The following CCDC93 variants were observed in gnomAD, a reference collection of about 807,000 sequenced individuals.
The protein encoded by CCDC93 is CCC complex scaffolding subunit CCDC93.
A neutral mutation model predicts 108.2 loss-of-function variants in CCDC93; 61 were observed. That is an observed-to-expected ratio of 0.56 (90% confidence interval 0.46 to 0.70). The LOEUF (loss-of-function observed/expected upper bound fraction) is 0.70. Ranked by LOEUF, CCDC93 falls within the 30% of genes least tolerant of loss-of-function variation. The pLI is 0.00. For missense variants in CCDC93, 685 were observed against 764.2 expected (o/e 0.90, Z 1.22); for synonymous variants, 276 against 260.4 (o/e 1.06, Z -0.58).
intron 1 of CCDC93, among the ~76,000 whole-genome samples, chr2:118,011,325 G>A (rs1158823160): frequency 6.6e-6 from 1 of 152,130 alleles, no homozygotes; most frequent in Non-Finnish European, 1.5e-5. Flanking sequence ...GTGGCGTGGG[G>A]GAGGTGACAG....
intron 13 of CCDC93, chr2:117,951,306 T>C: frequency 1.0e-6 from 1 of 985,408 alleles, no homozygotes; most frequent in African/African-American, 1.7e-5. Context: ...GAAGCTAATC[T>C]GTCCAAAGGC....
At chr2:117,998,217 C>T (rs1558802775) in intron 4 of CCDC93, 4 of 152,112 alleles carry the variant, frequency 2.6e-5, no homozygotes, top group South Asian at 4.1e-4. Flanking sequence ...TACAGCTTTG[C>T]TAAAATGGTG....
chr2:117,956,931 C>A (rs1679239517), intron 12 of CCDC93, among the ~76,000 whole-genome samples: 1 of 151,536 alleles, frequency 6.6e-6, no homozygotes, highest in Non-Finnish European at 1.5e-5. Context: ...GCTCTTGTTG[C>A]CCAGGCTAGA....
At chr2:117,937,044 C>T (rs1573469915) in intron 20 of CCDC93, 3 of 406,234 alleles carry the variant, frequency 7.4e-6, no homozygotes, top group East Asian at 9.1e-5. Flanking sequence ...TAAGCTAACA[C>T]TAGGGCTCTC....
At chr2:117,966,875 T>C (rs532817207) in intron 11 of CCDC93, among the ~76,000 whole-genome samples, 17 of 152,358 alleles carry the variant, frequency 1.1e-4, no homozygotes, top group African/African-American at 2.6e-4. Context: ...CAGGAAAATT[T>C]CCAAAACCCA....
rs1380773982 is a variant in CCDC93, at chr2:117,919,098, G to C, written c.*1245C>G. The C allele has an allele frequency of 6.6e-6, 1 of 152,146 alleles. No homozygotes were observed. Among genetic ancestry groups the C allele is most frequent in the East Asian group, 1.9e-4 (1 of 5,192 alleles). The allele number at this position is 152,146 out of a possible 1,614,324, so 9.4% of individuals were successfully genotyped here. A position where few individuals can be genotyped will look rare whatever the true frequency, so the allele number is the denominator to read the frequency against. Reference sequence around the variant, plus strand: ...CCTACAGAACATGACTGAGTTACCAGACTCCTGAGGACCAGGGCAGCAGGA... The same window carrying C: ...CCTACAGAACATGACTGAGTTACCACACTCCTGAGGACCAGGGCAGCAGGA... On this transcript the variant is annotated 3_prime_UTR_variant, in exon 24 of 24. Coordinates refer to ENST00000376300, the MANE Select transcript of CCDC93 (RefSeq NM_019044.5).
chr2:117,964,027 G>A lies in CCDC93; in HGVS notation c.889-5546C>T, dbSNP rs539425529. The stretch of plus-strand genomic sequence containing the variant: ...ATTGTATACTAATTACGTAAGAGTC[G>A]ATCCGAATTCAGGAAATCTTAGAGC... On this transcript the variant is annotated intron_variant, in intron 11 of 23. Transcript: ENST00000376300. Among the ~76,000 whole-genome samples, 8 of 152,250 alleles carry A rather than the reference G, an allele frequency of 5.3e-5. No individual in the cohort carries two copies. In the South Asian group the frequency reaches 1.2e-3, roughly 24 times the overall value.
intron 2 of CCDC93, 23 bp from the exon 3 acceptor site, chr2:118,006,839 T>C: frequency 6.9e-7 from 1 of 1,457,050 alleles, no homozygotes; most frequent in Middle Eastern, 1.8e-4. Context: ...AAGAAAATAT[T>C]TGTTTTCTCT....
At chr2:117,970,888 A>C (rs1380937369) in intron 11 of CCDC93, among the ~76,000 whole-genome samples, 1 of 152,224 alleles carries the variant, frequency 6.6e-6, no homozygotes, top group African/African-American at 2.4e-5. Flanking sequence ...ACGTAGTTGT[A>C]ACACACAGAG....
In CCDC93 at chr2:117,950,463, C is replaced by G. The variant is rs537603222; in HGVS notation, c.1069-1068G>C. ...TCTGAAGCAGTCATGCAGCCTCCCC[C>G]ACAGGTGTCAGGCACCACTGCTGTC... On this transcript the variant is annotated intron_variant, in intron 13 of 23. Transcript: ENST00000376300. The G allele has an allele frequency of 1.3e-5, 13 of 985,306 alleles. No individual in the cohort carries two copies. The South Asian group carries it at 1.4e-4, about 11-fold the overall frequency. 61.0% of individuals were successfully genotyped at this position (985,306 alleles called of 1,614,324 possible). A position where few individuals can be genotyped will look rare whatever the true frequency, so the allele number is the denominator to read the frequency against.
chr2:118,013,910 C>G, intron 1 of CCDC93, 44 bp downstream of exon 1: 1 of 1,532,520 alleles, frequency 6.5e-7, no homozygotes, highest in Non-Finnish European at 8.8e-7. Flanking sequence ...TCGGCCCTCT[C>G]TTCAGGAACC....
chr2:118,000,854 C>T lies in CCDC93; in HGVS notation c.330G>A (p.Gly110=). 1 of 1,613,514 alleles carries T rather than the reference C, an allele frequency of 6.2e-7. No individual in the cohort carries two copies. Among genetic ancestry groups the T allele is most frequent in the Non-Finnish European group, 8.5e-7 (1 of 1,179,484 alleles). ...PHQLEPHQIQ[G]MDFIHIFPVV... ...CAGGAAATATGTGAATAAAATCCAT[C>T]CCCTGGATCTGGTGGGGCTCCAGCT... is the stretch of plus-strand genomic sequence containing the variant. The change falls in exon 4 of 24, where the codon GGG becomes GGA. Residue 110 remains glycine, a synonymous_variant. Transcript: ENST00000376300.
chr2:117,936,514 G>T, intron 21 of CCDC93, 188 bp downstream of exon 21: 1 of 592,450 alleles, frequency 1.7e-6, no homozygotes, highest in South Asian at 2.4e-5. Context: ...TATCATTATA[G>T]TTTTGCAGGT....
rs1019687452 is a variant in CCDC93, at chr2:118,013,902, G to C, written c.42+52C>G. 1.2e-5 allele frequency: 18 copies of C among 1,479,772 alleles called. No homozygotes were observed. The African/African-American group carries it at 1.6e-4, about 13-fold the overall frequency. 91.7% of individuals were successfully genotyped at this position (1,479,772 alleles called of 1,614,324 possible). Reference sequence around the variant, plus strand: ...CGCTCAGCCCGCCGCCCCGCGGCTCGGCCCTCTCTTCAGGAACCCCGACGT... The same window carrying C: ...CGCTCAGCCCGCCGCCCCGCGGCTCCGCCCTCTCTTCAGGAACCCCGACGT... On this transcript the variant is annotated intron_variant, in intron 1 of 23. Transcript: ENST00000376300.
At chr2:117,921,433 C>A (rs10201148) in intron 23 of CCDC93, among the ~76,000 whole-genome samples, 4,157 of 152,194 alleles carry the variant, frequency 0.027, 195 homozygotes, top group African/African-American at 0.095. Context: ...TGCTAGCAAA[C>A]CTCCAATAAC....
intron 6 of CCDC93, among the ~76,000 whole-genome samples, chr2:117,986,547 A>T (rs1680325893): frequency 6.6e-6 from 1 of 152,086 alleles, no homozygotes; most frequent in Non-Finnish European, 1.5e-5. Context: ...GGTTTACTGC[A>T]TCTAATCATT....
Position 117,949,343 on chromosome 2 carries a change from A to G in CCDC93, c.1121T>C (p.Ile374Thr), listed in dbSNP as rs767359277. The change falls in exon 14 of 24, where the codon ATA becomes ACA. Residue 374 changes from isoleucine to threonine, a missense_variant. Ile to Thr is a moderately conservative substitution (Grantham distance 89, BLOSUM62 -1). Coordinates refer to ENST00000376300, the MANE Select transcript of CCDC93 (RefSeq NM_019044.5). ...LDKEQAALEK[I>T]ESKADPSILQ... ...TTACCTTGGATCAGCTTTGGATTCT[A>G]TCTTCTCGAGGGCTGCTTGCTCTTT... 7 of 1,613,642 alleles carry G rather than the reference A, an allele frequency of 4.3e-6. No individual in the cohort carries two copies. The highest frequency in any genetic ancestry group is 1.3e-5 in the African/African-American group (1 of 75,062).
chr2:117,945,283 C>T (rs1448112907), intron 17 of CCDC93, among the ~76,000 whole-genome samples: 1 of 152,168 alleles, frequency 6.6e-6, no homozygotes, highest in East Asian at 1.9e-4. Context: ...AGCATGAAAA[C>T]AACATGCTTG....
Position 117,952,400 on chromosome 2 carries a change from A to G in CCDC93, c.1041T>C (p.Tyr347=), listed in dbSNP as rs750604783. 5.6e-6 allele frequency: 9 copies of G among 1,613,454 alleles called. No homozygotes were observed. The highest frequency in any genetic ancestry group is 2.2e-5 in the South Asian group (2 of 91,066). The change falls in exon 13 of 24, where the codon TAT becomes TAC. Residue 347 remains tyrosine (Y), a synonymous_variant. Coordinates refer to ENST00000376300, the MANE Select transcript of CCDC93 (RefSeq NM_019044.5). ...RASHTSLQAR[Y]NEAKKTLTEL... ...CTGTCAGCGTTTTCTTGGCTTCATT[A>G]TATCTGGCTTGTAGGCTGGTGTGAC... is the stretch of plus-strand genomic sequence containing the variant.
Sources: gnomAD v4.1 joint callset for allele counts (sites outside exome capture counted in the v4.1 genomes callset) on GRCh38, gnomAD v4.1.1 for gene constraint, MANE v1.5 for transcripts, NCBI Gene and HGNC (gene_info 2026-07-23, HGNC 2026-07-21) for gene names.